DNMT1: variants seen among roughly 807,000 people sequenced by gnomAD.
DNMT1 encodes DNA methyltransferase 1.
Under a neutral mutation model 205.3 loss-of-function variants are expected in DNMT1, and 24 were observed. The ratio of observed to expected loss-of-function variants is 0.12; its 90% CI spans 0.08 to 0.16. The LOEUF (loss-of-function observed/expected upper bound fraction) is 0.16, where lower values mean the gene tolerates loss of function less well. DNMT1 is among the 10% of genes least tolerant of loss of function. DNMT1 has a pLI of 1.00. For synonymous variants in DNMT1, 817 were observed against 839.8 expected (o/e 0.97, Z 0.47); for missense variants, 1,293 against 2,177.7 (o/e 0.59, Z 8.09).
chr19:10,164,517 G>A (rs922600102), intron 11 of DNMT1, among the ~76,000 whole-genome samples: 1 of 152,110 alleles, frequency 6.6e-6, no homozygotes, highest in Admixed American at 6.6e-5. Context: ...GGAGGCTGAG[G>A]TGGGAGGATC....
At chr19:10,170,512 C>T (rs1047387090) in intron 9 of DNMT1, among the ~76,000 whole-genome samples, 1 of 151,936 alleles carries the variant, frequency 6.6e-6, no homozygotes, top group African/African-American at 2.4e-5. Context: ...GGCGTGGTAG[C>T]GGAAGCCTGT....
intron 27 of DNMT1, among the ~76,000 whole-genome samples, chr19:10,148,315 T>C (rs990893204): frequency 6.7e-6 from 1 of 149,606 alleles, no homozygotes; most frequent in African/African-American, 2.5e-5. Context: ...GCTAACACAG[T>C]GAAACCTCGT....
chr19:10,177,933 TAAAAAAA>T (rs937561804), intron 5 of DNMT1, among the ~76,000 whole-genome samples: 4 of 115,034 alleles, frequency 3.5e-5, no homozygotes, highest in Non-Finnish European at 7.4e-5. Context: ...CCCTGTCTCT[TAAAAAAA>T]AAAAAAAAAG....
In DNMT1 at chr19:10,137,904, C is replaced by T; in HGVS notation, c.4221G>A (p.Glu1407=). The change falls in exon 36 of 41, where the codon GAG becomes GAA. Residue 1407 remains glutamate (E), a synonymous_variant. Coordinates refer to ENST00000359526, the MANE Select transcript of DNMT1 (RefSeq NM_001130823.3). The surrounding 1 kb of genome is among the most constrained non-coding windows in gnomAD (Gnocchi z 6.4). ...GCTGCCTCTGGAACCAGGACTGAGG[C>T]TCCCCGTTGTAGGAGATCTCCAGTG... ...ASALEISYNG[E]PQSWFQRQLR... 6.2e-7 allele frequency: 1 copy of T among 1,613,408 alleles called. No individual in the cohort carries two copies. Among genetic ancestry groups the T allele is most frequent in the East Asian group, 2.2e-5 (1 of 44,860 alleles).
chr19:10,137,188 G>C lies in DNMT1; in HGVS notation c.4386C>G (p.Leu1462=). The part of the protein sequence containing the change: ...WRDLPNIEVR[L]SDGTMARKLR... The stretch of plus-strand genomic sequence containing the variant: ...GCTTCCTGGCCATGGTGCCGTCTGA[G>C]AGCCGCACCTCGATGTTGGGCAGAT... Residue 1462 remains leucine, a synonymous_variant, in exon 37 of 41, where the codon CTC becomes CTG. Transcript: ENST00000359526. This position sits in a 1 kb window ranked among gnomAD's most constrained non-coding sequence, Gnocchi z 6.4. 1 of 1,610,718 alleles carries C rather than the reference G, an allele frequency of 6.2e-7. No homozygotes were observed. Among genetic ancestry groups the C allele is most frequent in the Non-Finnish European group, 8.5e-7 (1 of 1,179,134 alleles).
chr19:10,154,238 C>T lies in DNMT1; in HGVS notation c.2019+55G>A. The stretch of plus-strand genomic sequence containing the variant: ...GAGAAAGATGGAGCAGTCCTCAGAT[C>T]AGGCCAGAGGCTGGGCCACCTTAGG... On this transcript the variant is annotated intron_variant, in intron 22 of 40. Transcript: ENST00000359526. This position sits in a 1 kb window ranked among gnomAD's most constrained non-coding sequence, Gnocchi z 6.3. 1 of 1,564,608 alleles carries T rather than the reference C, an allele frequency of 6.4e-7. No individual in the cohort carries two copies. Among genetic ancestry groups the T allele is most frequent in the Admixed American group, 1.7e-5 (1 of 59,950 alleles).
intron 30 of DNMT1, 92 bp from the exon 31 acceptor site, chr19:10,141,281 A>C (rs2089595651): frequency 3.0e-6 from 4 of 1,341,444 alleles, no homozygotes; most frequent in Non-Finnish European, 4.3e-6. Context: ...ATAGTCACTT[A>C]ATTTCTCCCT....
Position 10,160,002 on chromosome 19 carries a change from C to T in DNMT1, c.1089+16G>A. 2 of 1,614,182 alleles carry T rather than the reference C, an allele frequency of 1.2e-6. No homozygotes were observed. Among genetic ancestry groups the T allele is most frequent in the Non-Finnish European group, 1.7e-6 (2 of 1,180,040 alleles). The stretch of plus-strand genomic sequence containing the variant: ...CGTGAGCGCCGCCACCGGCTTTATT[C>T]CCGGCAGATGTTTACCTTGGAGTTC... On this transcript the variant is annotated intron_variant, in intron 15 of 40. Transcript: ENST00000359526.
rs2038334044 is a variant in DNMT1 at position 10,151,122 on chromosome 19, A to G, written c.2265+276T>C. Among the ~76,000 whole-genome samples, 1 of 152,100 alleles carries G rather than the reference A, an allele frequency of 6.6e-6. No individual in the cohort carries two copies. Among genetic ancestry groups the G allele is most frequent in the Non-Finnish European group, 1.5e-5 (1 of 68,028 alleles). ...ACAAAACAAAACAGAAAAACAAGCT[A>G]TGAGGGCTCACCTGCCTGATGCCCC... On this transcript the variant is annotated intron_variant, in intron 24 of 40. Coordinates refer to ENST00000359526, the MANE Select transcript of DNMT1 (RefSeq NM_001130823.3). The surrounding 1 kb of genome is among the most constrained non-coding windows in gnomAD (Gnocchi z 5.0).
Position 10,140,657 on chromosome 19 carries a change from C to A in DNMT1, c.3523+124G>T, listed in dbSNP as rs970331098. The A allele has an allele frequency of 6.4e-7, 1 of 1,558,982 alleles. No homozygotes were observed. ...TGCTGGGATTACAGGCGTGCGCCAC[C>A]GTGCCTGGCCTCGGAAGGAGATTCT... On this transcript the variant is annotated intron_variant, in intron 32 of 40. Transcript: ENST00000359526. The surrounding 1 kb of genome is among the most constrained non-coding windows in gnomAD (Gnocchi z 8.4).
chr19:10,134,977 C>T (rs879518872), intron 39 of DNMT1, among the ~76,000 whole-genome samples: 2 of 151,862 alleles, frequency 1.3e-5, no homozygotes, highest in East Asian at 1.9e-4. Context: ...TTTGGGAGGC[C>T]GAGGCAGGCG....
In DNMT1 at chr19:10,146,268, G is replaced by A. The variant is rs995495311; in HGVS notation, c.2894+83C>T. On this transcript the variant is annotated intron_variant, in intron 28 of 40. Transcript: ENST00000359526. This position sits in a 1 kb window ranked among gnomAD's most constrained non-coding sequence, Gnocchi z 4.4. ...CAGCTGGTGCGGAGGGATTGGCAAT[G>A]TCTGTAAGGAGGGGGACACCACAAA... is the stretch of plus-strand genomic sequence containing the variant. 4 of 1,539,332 alleles carry A rather than the reference G, an allele frequency of 2.6e-6. No individual in the cohort carries two copies. Among genetic ancestry groups the A allele is most frequent in the Non-Finnish European group, 1.8e-6 (2 of 1,128,746 alleles).
intron 2 of DNMT1, among the ~76,000 whole-genome samples, chr19:10,181,672 T>C (rs2039049197): frequency 6.6e-6 from 1 of 151,514 alleles, no homozygotes. Context: ...CTACTAATAA[T>C]ATAAAAATTA....
intron 9 of DNMT1, among the ~76,000 whole-genome samples, chr19:10,172,117 G>T (rs2038831929): frequency 6.6e-6 from 1 of 151,840 alleles, no homozygotes; most frequent in Non-Finnish European, 1.5e-5. Flanking sequence ...AAAAAAATAA[G>T]TTTGAAAAGT....
intron 6 of DNMT1, 134 bp from the exon 7 acceptor site, chr19:10,175,752 A>G (rs761568317): frequency 4.0e-5 from 35 of 875,054 alleles, no homozygotes; most frequent in Non-Finnish European, 6.2e-5. Flanking sequence ...CGGGTTTAGA[A>G]TGTTGTCTTG....
chr19:10,150,114 G>A, intron 24 of DNMT1, 146 bp from the exon 25 acceptor site: 3 of 748,178 alleles, frequency 4.0e-6, no homozygotes, highest in Non-Finnish European at 7.0e-6. Context: ...AGAACATCCT[G>A]TTCTACAAGG....
chr19:10,157,235 A>C (rs939634780), intron 17 of DNMT1, among the ~76,000 whole-genome samples: 2 of 152,032 alleles, frequency 1.3e-5, no homozygotes, highest in African/African-American at 4.8e-5. Context: ...GCAACCACCA[A>C]TCTGCTTTCT....
intron 7 of DNMT1, among the ~76,000 whole-genome samples, chr19:10,174,271 CTT>C (rs1450265035): frequency 2.0e-5 from 3 of 152,066 alleles, no homozygotes; most frequent in Non-Finnish European, 4.4e-5. Flanking sequence ...AAATACAAAA[CTT>C]AGCTCATTGG....
intron 7 of DNMT1, among the ~76,000 whole-genome samples, chr19:10,175,106 CACACACACACACACACACACACAT>C (rs2038911178): frequency 1.5e-5 from 2 of 133,326 alleles, no homozygotes; most frequent in African/African-American, 5.6e-5. Flanking sequence ...CACACACACA[CACACACACACACACACACACACAT>C]ATATATAACA....
Sources: allele counts gnomAD v4.1 joint callset (sites outside exome capture counted in the v4.1 genomes callset), GRCh38; gene constraint gnomAD v4.1.1; non-coding constraint Gnocchi (gnomAD v3.1); transcripts MANE v1.5; gene names NCBI Gene and HGNC (gene_info 2026-07-23, HGNC 2026-07-21).